LAMA3: variants seen among roughly 807,000 people sequenced by gnomAD.
LAMA3 encodes the protein laminin subunit alpha 3.
LAMA3 carries 281 observed loss-of-function variants against 402.0 expected under a neutral mutation model. The ratio of observed to expected loss-of-function variants is 0.70; its 90% confidence interval spans 0.63 to 0.77. The LOEUF is 0.77. Among genes scored for constraint, LAMA3 ranks in the 30% least tolerant of loss-of-function variants. The probability of loss-of-function intolerance (pLI) is 0.00; values close to 1 mark genes in which losing one functional copy is unlikely to be tolerated. For synonymous variants in LAMA3, 1,431 were observed against 1,558.4 expected (o/e 0.92, Z 1.93); for missense variants, 3,840 against 4,215.5 (o/e 0.91, Z 2.47).
intron 19 of LAMA3, 101 bp from the exon 20 acceptor site, chr18:23,822,151 C>A: frequency 7.7e-7 from 1 of 1,306,436 alleles, no homozygotes; most frequent in Non-Finnish European, 1.1e-6. Flanking sequence ...GTGTACATTA[C>A]AAGTCCAGTA....
chr18:23,774,872 T>TCTTTGCAGCATGTAGG (rs1420206947), intron 9 of LAMA3, among the ~76,000 whole-genome samples: 4 of 152,236 alleles, frequency 2.6e-5, no homozygotes, highest in African/African-American at 9.6e-5. Flanking sequence ...AGTATGTCTA[T>TCTTTGCAGCATGTAGG]CACCTGTCTT....
chr18:23,784,947 A>T (rs1302433727), intron 12 of LAMA3, among the ~76,000 whole-genome samples: 1 of 152,224 alleles, frequency 6.6e-6, no homozygotes, highest in Non-Finnish European at 1.5e-5. Context: ...GAGATTTATT[A>T]TAGGTAATTA....
At chr18:23,944,677 G>A (rs2082644198) in intron 69 of LAMA3, among the ~76,000 whole-genome samples, 1 of 152,132 alleles carries the variant, frequency 6.6e-6, no homozygotes, top group African/African-American at 2.4e-5. Context: ...AGAGGGAAGA[G>A]CAAATAACAA....
chr18:23,887,085 C>A (rs2065096925), intron 41 of LAMA3, among the ~76,000 whole-genome samples: 2 of 152,162 alleles, frequency 1.3e-5, no homozygotes, highest in Non-Finnish European at 2.9e-5. Context: ...TTCAGTTATT[C>A]TTTCAATGAA....
intron 1 of LAMA3, chr18:23,710,266 C>T (rs2060966498): frequency 1.8e-6 from 1 of 552,240 alleles, no homozygotes; most frequent in Non-Finnish European, 3.2e-6. Context: ...ACAGGAGCTT[C>T]CTTCTTCGCC....
intron 30 of LAMA3, among the ~76,000 whole-genome samples, chr18:23,845,521 G>A (rs903066096): frequency 6.6e-6 from 1 of 152,172 alleles, no homozygotes; most frequent in African/African-American, 2.4e-5. Flanking sequence ...ATCTAACCAA[G>A]CAGGGAGTGT....
intron 11 of LAMA3, among the ~76,000 whole-genome samples, chr18:23,779,382 G>C (rs2062390131): frequency 6.6e-6 from 1 of 152,170 alleles, no homozygotes. Context: ...GGTGTCAGCG[G>C]AGGTGACAGC....
In LAMA3 at chr18:23,784,020, C is replaced by T. The variant is rs1276147310; in HGVS notation, c.1469-3C>T. On this transcript the variant is annotated splice_region_variant and splice_polypyrimidine_tract_variant and intron_variant, in intron 11 of 74. Coordinates refer to ENST00000313654, the MANE Select transcript of LAMA3 (RefSeq NM_198129.4). The stretch of plus-strand genomic sequence containing the variant: ...CCTTCTGAAAGTTTCCTGTCTTCTG[C>T]AGGGTGTGACTGTAATCTGGAAGGT... 2 of 1,614,078 alleles carry T rather than the reference C, an allele frequency of 1.2e-6. No homozygotes were observed. The highest frequency in any genetic ancestry group is 2.2e-5 in the East Asian group (1 of 44,882).
At chr18:23,760,447 C>G (rs2061945399) in intron 7 of LAMA3, among the ~76,000 whole-genome samples, 1 of 152,014 alleles carries the variant, frequency 6.6e-6, no homozygotes, top group Non-Finnish European at 1.5e-5. Context: ...AGTCTTCCTT[C>G]ACATAGTCAC....
chr18:23,881,672 G>T (rs937747122), intron 39 of LAMA3, among the ~76,000 whole-genome samples: 1 of 152,202 alleles, frequency 6.6e-6, no homozygotes, highest in East Asian at 1.9e-4. Flanking sequence ...AGATGCTGGA[G>T]TGGGATGGGG....
At chr18:23,842,351 C>A in intron 27 of LAMA3, 44 bp from the exon 28 acceptor site, 1 of 1,612,320 alleles carries the variant, frequency 6.2e-7, no homozygotes, top group Non-Finnish European at 8.5e-7. Context: ...AGCTCTTCAG[C>A]TTGAGGGTTT....
At position 23,847,524 on chromosome 18, in the gene LAMA3, G is replaced by A. The variant is rs756866046; in HGVS notation, c.3992G>A (p.Arg1331His). ...ACGGGGCAGTGCCGCTGCCCTCCCC[G>A]CACGGTCAGGCCCCAGTGTGAGGTG... The part of the protein sequence containing the change: ...EMTGQCRCPP[R>H]TVRPQCEVCE... Residue 1331 changes from arginine (R) to histidine (H), a missense_variant, in exon 32 of 75, where the codon CGC (arginine) becomes CAC (histidine). Coordinates refer to ENST00000313654, the MANE Select transcript of LAMA3 (RefSeq NM_198129.4). 28 of 1,613,808 alleles carry A rather than the reference G, an allele frequency of 1.7e-5. No individual in the cohort carries two copies. Among genetic ancestry groups the A allele is most frequent in the South Asian group, 2.2e-5 (2 of 91,086 alleles).
At chr18:23,898,694 G>C in intron 44 of LAMA3, 44 bp from the exon 45 acceptor site, 1 of 1,076,502 alleles carries the variant, frequency 9.3e-7, no homozygotes, top group Non-Finnish European at 1.5e-6. Context: ...ATAGGACTTA[G>C]TCTTTATACT....
chr18:23,948,054 T>C (rs987940135), intron 70 of LAMA3, among the ~76,000 whole-genome samples: 13 of 152,278 alleles, frequency 8.5e-5, no homozygotes, highest in Middle Eastern at 3.4e-3. Flanking sequence ...CCTCGTGATC[T>C]GCCCTCCTCG....
chr18:23,943,769 T>TC lies in LAMA3; in HGVS notation c.9027-18dup. 6.2e-7 allele frequency: 1 copy of TC among 1,613,386 alleles called. No homozygotes were observed. On this transcript the variant is annotated intron_variant, in intron 68 of 74. Transcript: ENST00000313654. ...CGCTGAACACCTCTATTTCCCTTCATCGCCGATGTTCCCAACAGGTCACAG... is the reference window on the plus strand; with the variant it reads ...CGCTGAACACCTCTATTTCCCTTCATCCGCCGATGTTCCCAACAGGTCACAG...
intron 29 of LAMA3, among the ~76,000 whole-genome samples, chr18:23,842,971 G>A (rs1037168084): frequency 4.6e-5 from 7 of 152,104 alleles, no homozygotes; most frequent in Admixed American, 2.0e-4. Flanking sequence ...AGTAGGCGTC[G>A]CCCCTCTCCA....
At chr18:23,927,294 G>C (rs2082030093) in intron 62 of LAMA3, among the ~76,000 whole-genome samples, 1 of 152,012 alleles carries the variant, frequency 6.6e-6, no homozygotes, top group Admixed American at 6.6e-5. Flanking sequence ...CTCAGCTCCC[G>C]GGTAGCTGGG....
chr18:23,717,670 A>T (rs1177597468), intron 2 of LAMA3, among the ~76,000 whole-genome samples: 1 of 142,258 alleles, frequency 7.0e-6, no homozygotes, highest in Admixed American at 7.4e-5. Context: ...GCCTTACCTC[A>T]GCCTCCCAAA....
chr18:23,786,560 G>A (rs566412375), intron 12 of LAMA3, among the ~76,000 whole-genome samples: 8 of 152,274 alleles, frequency 5.3e-5, no homozygotes, highest in Non-Finnish European at 1.0e-4. Flanking sequence ...AGACCATGGC[G>A]CCACCTCCAC....
Sources: gnomAD v4.1 joint callset for allele counts (sites outside exome capture counted in the v4.1 genomes callset) on GRCh38, gnomAD v4.1.1 for gene constraint, MANE v1.5 for transcripts, NCBI Gene and HGNC (gene_info 2026-07-23, HGNC 2026-07-21) for gene names.